Variants in ARHGAP26 observed in about 807,000 individuals in gnomAD.
ARHGAP26 encodes rho GTPase-activating protein 26.
Under a neutral mutation model 104.8 loss-of-function variants are expected in ARHGAP26, and 38 were observed. The observed-to-expected ratio is 0.36, with a 90% CI of 0.28 to 0.48. The LOEUF (loss-of-function observed/expected upper bound fraction) is 0.48, where lower values mean the gene tolerates loss of function less well. Among genes scored for constraint, ARHGAP26 ranks in the 20% least tolerant of loss-of-function variants. The pLI is 0.99. For missense variants in ARHGAP26, 704 were observed against 947.9 expected (o/e 0.74, Z 3.38); for synonymous variants, 341 against 340.0 (o/e 1.00, Z -0.03).
Position 143,228,238 on chromosome 5 carries a change from T to C in ARHGAP26, c.*5792T>C, listed in dbSNP as rs1361484582. 1 of 223,344 alleles carries C rather than the reference T, an allele frequency of 4.5e-6. No individual in the cohort carries two copies. The highest frequency in any genetic ancestry group is 2.2e-5 in the African/African-American group (1 of 44,748). The allele number at this position is 223,344 out of a possible 1,614,324, so 13.8% of individuals were successfully genotyped here. On this transcript the variant is annotated 3_prime_UTR_variant, in exon 23 of 23. Transcript: ENST00000645722. ...ATCTGTTGATTCTAAAGTATATTTA[T>C]GTGTGTGTGTATGTGTGTGTATACA...
chr5:142,808,303 C>G (rs991145520), intron 1 of ARHGAP26, among the ~76,000 whole-genome samples: 3 of 137,174 alleles, frequency 2.2e-5, no homozygotes, highest in Non-Finnish European at 4.6e-5. Flanking sequence ...AACATTGATC[C>G]GAAAGGTGAT....
intron 20 of ARHGAP26, among the ~76,000 whole-genome samples, chr5:143,150,370 AT>A (rs1377064392): frequency 6.6e-6 from 1 of 152,222 alleles, no homozygotes. Context: ...GGCAGTGCTA[AT>A]GGGGACTTAC....
At chr5:142,942,131 T>G (rs150841026) in intron 11 of ARHGAP26, among the ~76,000 whole-genome samples, 21 of 152,248 alleles carry the variant, frequency 1.4e-4, no homozygotes, top group African/African-American at 4.8e-4. Flanking sequence ...TGACCAAAAT[T>G]GTTTCTTAGG....
chr5:142,980,206 C>T (rs1773716262), intron 11 of ARHGAP26, among the ~76,000 whole-genome samples: 1 of 152,166 alleles, frequency 6.6e-6, no homozygotes, highest in African/African-American at 2.4e-5. Flanking sequence ...CTGTGAGACT[C>T]ATCCATGTTT....
chr5:143,099,801 A>G (rs1792949600), intron 17 of ARHGAP26, among the ~76,000 whole-genome samples: 1 of 152,278 alleles, frequency 6.6e-6, no homozygotes. Flanking sequence ...GAATAAAATC[A>G]TAATAGAAAA....
chr5:143,038,684 C>CTTTTTTT (rs60428049), intron 13 of ARHGAP26, among the ~76,000 whole-genome samples: 13 of 64,384 alleles, frequency 2.0e-4, no homozygotes, highest in Non-Finnish European at 2.6e-4. Context: ...GACATACGGC[C>CTTTTTTT]TTTTTTTTTT....
chr5:143,006,172 C>G (rs1313536161), intron 11 of ARHGAP26, among the ~76,000 whole-genome samples: 2 of 152,138 alleles, frequency 1.3e-5, no homozygotes, highest in African/African-American at 4.8e-5. Flanking sequence ...TCTGTTTCCA[C>G]TCCCTTGTAA....
intron 18 of ARHGAP26, among the ~76,000 whole-genome samples, chr5:143,130,296 A>G (rs922519413): frequency 2.6e-5 from 4 of 152,226 alleles, no homozygotes; most frequent in Non-Finnish European, 5.9e-5. Flanking sequence ...TTGTTTTACA[A>G]TTTTATTCCC....
At position 142,797,066 on chromosome 5, in the gene ARHGAP26, A is replaced by G. The variant is rs76152195; in HGVS notation, c.154+26151A>G. 5.7e-3 allele frequency among the ~76,000 whole-genome samples: 872 copies of G among 152,316 alleles called. 18 individuals are homozygous for G. In the East Asian group the frequency reaches 0.063, roughly 11 times the overall value. On this transcript the variant is annotated intron_variant, in intron 1 of 22. Coordinates refer to ENST00000645722, the MANE Select transcript of ARHGAP26 (RefSeq NM_001135608.3). Reference sequence around the variant, plus strand: ...GCAGAAGGTTTAGGTGACACAGTGAAGAGTCTTTGTTCAGTGGACACTGGG... The same window carrying G: ...GCAGAAGGTTTAGGTGACACAGTGAGGAGTCTTTGTTCAGTGGACACTGGG...
In ARHGAP26 at chr5:143,191,330, A is replaced by C. The variant is rs567202378; in HGVS notation, c.1989-15868A>C. ...AGAGAAACATTAAATGACTGTGTAC[A>C]CCTTGCTTGAGTGGACAAATATGCT... On this transcript the variant is annotated intron_variant, in intron 20 of 22. Transcript: ENST00000645722. Among the ~76,000 whole-genome samples the C allele has an allele frequency of 2.8e-4, 43 of 152,376 alleles. No individual in the cohort carries two copies. In the South Asian group the frequency reaches 8.7e-3, roughly 31 times the overall value.
chr5:143,151,612 C>T (rs1441023729), intron 20 of ARHGAP26, among the ~76,000 whole-genome samples: 2 of 152,190 alleles, frequency 1.3e-5, no homozygotes, highest in African/African-American at 2.4e-5. Context: ...AGTGAACTCT[C>T]CAGCCATGAA....
At chr5:143,189,220 A>G (rs1805562736) in intron 20 of ARHGAP26, among the ~76,000 whole-genome samples, 2 of 152,220 alleles carry the variant, frequency 1.3e-5, no homozygotes, top group East Asian at 1.9e-4. Flanking sequence ...ATTCTGGGAA[A>G]AGTCTCTGTG....
At chr5:142,788,845 A>C (rs187021287) in intron 1 of ARHGAP26, among the ~76,000 whole-genome samples, 1 of 152,322 alleles carries the variant, frequency 6.6e-6, no homozygotes, top group African/African-American at 2.4e-5. Context: ...TATCTCCACC[A>C]TTTAAGTGTT....
chr5:142,861,641 A>G (rs1267259107), intron 1 of ARHGAP26, among the ~76,000 whole-genome samples: 2 of 152,168 alleles, frequency 1.3e-5, no homozygotes, highest in African/African-American at 2.4e-5. Flanking sequence ...TCAGCCTGGC[A>G]TGTTATTTAT....
At chr5:142,806,438 G>A (rs557594346) in intron 1 of ARHGAP26, among the ~76,000 whole-genome samples, 41 of 151,206 alleles carry the variant, frequency 2.7e-4, no homozygotes, top group Admixed American at 6.6e-4. Context: ...GTTTTTTAAC[G>A]GTTGTACATG....
chr5:142,933,874 C>T (rs1765063531), intron 11 of ARHGAP26, among the ~76,000 whole-genome samples: 2 of 152,160 alleles, frequency 1.3e-5, no homozygotes, highest in South Asian at 4.1e-4. Context: ...CATGTCTAAT[C>T]CTAGACATAT....
chr5:142,982,775 A>G (rs1449037385), intron 11 of ARHGAP26, among the ~76,000 whole-genome samples: 3 of 152,150 alleles, frequency 2.0e-5, no homozygotes, highest in Non-Finnish European at 4.4e-5. Context: ...GGATTGTTGA[A>G]CCTGTTTTTT....
At chr5:143,027,301 A>T (rs1375236356) in intron 12 of ARHGAP26, among the ~76,000 whole-genome samples, 1 of 149,758 alleles carries the variant, frequency 6.7e-6, no homozygotes, top group Non-Finnish European at 1.5e-5. Context: ...CCTCCCAAGT[A>T]GCTGGTATTA....
chr5:142,848,515 TGGC>T (rs1476234922), intron 1 of ARHGAP26, among the ~76,000 whole-genome samples: 2 of 152,326 alleles, frequency 1.3e-5, no homozygotes, highest in East Asian at 3.9e-4. Flanking sequence ...TCTCCAGCCT[TGGC>T]ACATCAGCTG....
Sources: gnomAD v4.1 joint callset for allele counts (sites outside exome capture counted in the v4.1 genomes callset) on GRCh38, gnomAD v4.1.1 for gene constraint, MANE v1.5 for transcripts, NCBI Gene and HGNC (gene_info 2026-07-23, HGNC 2026-07-21) for gene names.